The following ZNF200 variants were observed in gnomAD, a reference collection of about 807,000 sequenced individuals.
The protein encoded by ZNF200 is zinc finger protein 200.
A neutral mutation model predicts 33.6 loss-of-function variants in ZNF200; 35 were observed. The ratio of observed to expected loss-of-function variants is 1.04; its 90% CI spans 0.80 to 1.38. ZNF200 has a LOEUF of 1.38. Among genes scored for constraint, ZNF200 ranks in the 40% most tolerant of loss-of-function variants. ZNF200 has a pLI of 0.00. For missense variants in ZNF200, 592 were observed against 470.6 expected (o/e 1.26, Z -2.39); for synonymous variants, 209 against 167.7 (o/e 1.25, Z -1.90).
At position 3,223,861 on chromosome 16, in the gene ZNF200, G is replaced by A; in HGVS notation, c.*31C>T. 6.4e-7 allele frequency: 1 copy of A among 1,570,660 alleles called. No homozygotes were observed. Among genetic ancestry groups the A allele is most frequent in the African/African-American group, 1.4e-5 (1 of 73,506 alleles). ...TTATGAAAGCTCTCAGGTTGAGGCA[G>A]CACCATCAGACCCAGAAAGGGTTCC... On this transcript the variant is annotated 3_prime_UTR_variant, in exon 5 of 5. Coordinates refer to ENST00000414144, the MANE Select transcript of ZNF200 (RefSeq NM_198088.3).
Position 3,223,946 on chromosome 16 carries a change from G to GA in ZNF200, c.1133_1134insT (p.Cys379LeufsTer5). On this transcript the variant is annotated frameshift_variant, in exon 5 of 5. Coordinates refer to ENST00000414144, the MANE Select transcript of ZNF200 (RefSeq NM_198088.3). LOFTEE classifies it high-confidence loss of function. ...AGTGGGTTTTCTCATGCCGGGTACAGTTTGACAGCCGACCAAATCTTCTCC... is the reference window on the plus strand; with the variant it reads ...AGTGGGTTTTCTCATGCCGGGTACAGATTTGACAGCCGACCAAATCTTCTCC... 6.2e-7 allele frequency: 1 copy of GA among 1,614,136 alleles called. No individual in the cohort carries two copies. Among genetic ancestry groups the GA allele is most frequent in the Non-Finnish European group, 8.5e-7 (1 of 1,180,022 alleles).
chr16:3,233,897 T>C, intron 1 of ZNF200, 61 bp from the exon 2 acceptor site: 5 of 1,376,766 alleles, frequency 3.6e-6, no homozygotes, highest in Admixed American at 2.5e-5. Context: ...TGCACTCCAA[T>C]ATGTGGCATG....
intron 4 of ZNF200, among the ~76,000 whole-genome samples, chr16:3,229,664 G>C (rs901903229): frequency 6.6e-6 from 1 of 152,130 alleles, no homozygotes; most frequent in African/African-American, 2.4e-5. Flanking sequence ...AGGAGATTGA[G>C]ACCATCCTGG....
Position 3,224,534 on chromosome 16 carries a change from TG to T in ZNF200, c.545del (p.Ser182Ter). 1 of 1,614,114 alleles carries T rather than the reference TG, an allele frequency of 6.2e-7. No individual in the cohort carries two copies. Among genetic ancestry groups the T allele is most frequent in the Non-Finnish European group, 8.5e-7 (1 of 1,179,970 alleles). On this transcript the variant is annotated frameshift_variant, in exon 5 of 5. Coordinates refer to ENST00000414144, the MANE Select transcript of ZNF200 (RefSeq NM_198088.3). LOFTEE classifies it high-confidence loss of function. The stretch of plus-strand genomic sequence containing the variant: ...AGGAAGAATCCATTTCATCATCATC[TG>T]AAGACTTTTCTCTATAATCTTCATT... ...VENEDYREKS[S>X]DDDEMDSSLV...
In ZNF200 at chr16:3,232,420, C is replaced by T. The variant is rs749886602; in HGVS notation, c.466+1G>A. The T allele has an allele frequency of 1.2e-6, 2 of 1,613,238 alleles. No homozygotes were observed. The highest frequency in any genetic ancestry group is 2.2e-5 in the South Asian group (2 of 90,956). On this transcript the variant is annotated splice_donor_variant, in intron 4 of 4. Transcript: ENST00000414144. LOFTEE classifies it high-confidence loss of function. ...AACACACAAAGGCTGTGATTTCTTACCCAGTAACATCATTTCCCCGACACT... is the reference window on the plus strand; with the variant it reads ...AACACACAAAGGCTGTGATTTCTTATCCAGTAACATCATTTCCCCGACACT...
rs144411174 is a variant in ZNF200 at position 3,224,127 on chromosome 16, C to A, written c.953G>T (p.Arg318Leu). 1.2e-6 allele frequency: 2 copies of A among 1,614,056 alleles called. No homozygotes were observed. Among genetic ancestry groups the A allele is most frequent in the East Asian group, 4.5e-5 (2 of 44,880 alleles). Reference protein sequence around the residue: ...YSCSQCGKNFRQNSHRSRHEG... With the variant: ...YSCSQCGKNFLQNSHRSRHEG... ...ATGACGACTCCGATGAGAATTCTGACGGAAGTTTTTTCCACACTGAGAACA... is the reference window on the plus strand; with the variant it reads ...ATGACGACTCCGATGAGAATTCTGAAGGAAGTTTTTTCCACACTGAGAACA... Residue 318 changes from arginine to leucine, a missense_variant, in exon 5 of 5, where the codon CGT becomes CTT. By Grantham distance (102) the Arg-to-Leu change is moderately radical. Coordinates refer to ENST00000414144, the MANE Select transcript of ZNF200 (RefSeq NM_198088.3).
In ZNF200 at chr16:3,223,099, G is replaced by C. The variant is rs1958372202; in HGVS notation, c.*793C>G. The C allele has an allele frequency of 6.6e-6, 1 of 152,248 alleles. No homozygotes were observed. The highest frequency in any genetic ancestry group is 2.1e-4 in the South Asian group (1 of 4,836). The allele number at this position is 152,248 out of a possible 1,614,324, so 9.4% of individuals were successfully genotyped here. A position where few individuals can be genotyped will look rare whatever the true frequency, so the allele number is the denominator to read the frequency against. ...CAACAGAGGGACAAGATTCTGAAGA[G>C]CTTTTCTAGTGGTGGGGCTGGATGG... On this transcript the variant is annotated 3_prime_UTR_variant, in exon 5 of 5. Coordinates refer to ENST00000414144, the MANE Select transcript of ZNF200 (RefSeq NM_198088.3).
chr16:3,232,437 C>T lies in ZNF200; in HGVS notation c.450G>A (p.Gly150=), dbSNP rs781060532. The change falls in exon 4 of 5, where the codon GGG becomes GGA. Residue 150 remains glycine (G), a synonymous_variant. Coordinates refer to ENST00000414144, the MANE Select transcript of ZNF200 (RefSeq NM_198088.3). ...TSEKEDDSSV[G]EMMLLAVNGS... The stretch of plus-strand genomic sequence containing the variant: ...ATTTCTTACCCAGTAACATCATTTC[C>T]CCGACACTGCTGTCATCTTCCTTCT... The T allele has an allele frequency of 2.5e-6, 4 of 1,613,850 alleles. No homozygotes were observed. Among genetic ancestry groups the T allele is most frequent in the African/African-American group, 2.7e-5 (2 of 75,018 alleles).
chr16:3,234,182 G>A (rs1224770432), intron 1 of ZNF200: 1 of 154,880 alleles, frequency 6.5e-6, no homozygotes, highest in African/African-American at 2.4e-5. Flanking sequence ...CTGGCGGGTG[G>A]ATCGCTTGAG....
Position 3,224,274 on chromosome 16 carries a change from G to A in ZNF200, c.806C>T (p.Ser269Phe), listed in dbSNP as rs868456875. Reference protein sequence around the residue: ...KQFNESSYLISHQRTHTGEKP... With the variant: ...KQFNESSYLIFHQRTHTGEKP... ...TTCTCCAGTGTGGGTCCTCTGGTGG[G>A]AAATGAGGTAAGAACTTTCATTAAA... Residue 269 changes from serine to phenylalanine, a missense_variant, in exon 5 of 5, where the codon TCC becomes TTC. Transcript: ENST00000414144. 3.7e-6 allele frequency: 6 copies of A among 1,614,132 alleles called. No individual in the cohort carries two copies. The highest frequency in any genetic ancestry group is 2.2e-5 in the East Asian group (1 of 44,888).
At position 3,232,901 on chromosome 16, in the gene ZNF200, T is replaced by G. The variant is rs1209743331; in HGVS notation, c.271A>C (p.Lys91Gln). 1 of 1,613,664 alleles carries G rather than the reference T, an allele frequency of 6.2e-7. No homozygotes were observed. The highest frequency in any genetic ancestry group is 1.3e-5 in the African/African-American group (1 of 74,914). The change falls in exon 3 of 5, where the codon AAG becomes CAG. Residue 91 changes from lysine (K) to glutamine (Q), a missense_variant. Physicochemically the swap from Lys to Gln is moderately conservative, Grantham distance 53 (BLOSUM62 1). Coordinates refer to ENST00000414144, the MANE Select transcript of ZNF200 (RefSeq NM_198088.3). ...QNRVHPRPLV[K>Q]LLPKGVQKEQ... ...TTTTGGACTCCTTTGGGCAGAAGCT[T>G]CACCAAGGGACGAGGATGCACTGGG...
At position 3,223,634 on chromosome 16, in the gene ZNF200, A is replaced by G; in HGVS notation, c.*258T>C. The G allele has an allele frequency of 2.4e-6, 1 of 425,498 alleles. No homozygotes were observed. Among genetic ancestry groups the G allele is most frequent in the Non-Finnish European group, 4.1e-6 (1 of 242,496 alleles). 26.4% of individuals were successfully genotyped at this position (425,498 alleles called of 1,614,324 possible). On this transcript the variant is annotated 3_prime_UTR_variant, in exon 5 of 5. Coordinates refer to ENST00000414144, the MANE Select transcript of ZNF200 (RefSeq NM_198088.3). ...TTGGGAAAGGGGATCTGTGACCTGTACATTATCATATAACTTCAAAAAGGA... is the reference window on the plus strand; with the variant it reads ...TTGGGAAAGGGGATCTGTGACCTGTGCATTATCATATAACTTCAAAAAGGA...
chr16:3,228,461 T>C (rs535177954), intron 4 of ZNF200, among the ~76,000 whole-genome samples: 21 of 150,590 alleles, frequency 1.4e-4, no homozygotes, highest in African/African-American at 5.1e-4. Flanking sequence ...CCTTTATATA[T>C]AAGAAATATT....
At chr16:3,228,093 A>G (rs1939426332) in intron 4 of ZNF200, among the ~76,000 whole-genome samples, 1 of 150,928 alleles carries the variant, frequency 6.6e-6, no homozygotes, top group Admixed American at 6.6e-5. Context: ...GCCTTGTTTT[A>G]AAGTTTCCTC....
At chr16:3,226,678 A>T (rs954719708) in intron 4 of ZNF200, 8 of 152,174 alleles carry the variant, frequency 5.3e-5, no homozygotes, top group Non-Finnish European at 1.2e-4. Flanking sequence ...GACTGCTTCC[A>T]ACCTTGTGTT....
At chr16:3,231,053 T>G (rs1208643712) in intron 4 of ZNF200, among the ~76,000 whole-genome samples, 1 of 152,172 alleles carries the variant, frequency 6.6e-6, no homozygotes, top group Non-Finnish European at 1.5e-5. Flanking sequence ...AGGAAAAAAC[T>G]AGTACATTTA....
rs189909471 is a variant in ZNF200, at chr16:3,231,446, T to C, written c.466+975A>G. On this transcript the variant is annotated intron_variant, in intron 4 of 4. Coordinates refer to ENST00000414144, the MANE Select transcript of ZNF200 (RefSeq NM_198088.3). The stretch of plus-strand genomic sequence containing the variant: ...GGCAACTTCTAAAACCTATTCTCTG[T>C]ACAACTTCACCCTCAGAAACAAAAA... Among the ~76,000 whole-genome samples the C allele has an allele frequency of 4.8e-3, 728 of 152,266 alleles. 7 individuals are homozygous for C. Among genetic ancestry groups the C allele is most frequent in the Middle Eastern group, 0.024 (7 of 294 alleles).
rs985582064 is a variant in ZNF200, at chr16:3,235,020, T to C, written c.-115A>G. 2.0e-5 allele frequency: 3 copies of C among 152,210 alleles called. No individual in the cohort carries two copies. Among genetic ancestry groups the C allele is most frequent in the Admixed American group, 1.3e-4 (2 of 15,288 alleles). The allele number at this position is 152,210 out of a possible 1,614,324, so 9.4% of individuals were successfully genotyped here. On this transcript the variant is annotated 5_prime_UTR_variant, in exon 1 of 5. Coordinates refer to ENST00000414144, the MANE Select transcript of ZNF200 (RefSeq NM_198088.3). ...GCCTCTGCAGCCCCTGAGCGTTTGC[T>C]GGGGACGGCTCAGAGACTCAGGCTC...
At chr16:3,228,429 CAAGTA>C (rs1488941706) in intron 4 of ZNF200, among the ~76,000 whole-genome samples, 2 of 151,088 alleles carry the variant, frequency 1.3e-5, no homozygotes, top group African/African-American at 4.8e-5. Flanking sequence ...AGTAACTATA[CAAGTA>C]AACAAATGAT....
Sources: allele counts gnomAD v4.1 joint callset (sites outside exome capture counted in the v4.1 genomes callset), GRCh38; gene constraint gnomAD v4.1.1; transcripts MANE v1.5; gene names NCBI Gene and HGNC (gene_info 2026-07-23, HGNC 2026-07-21).